The following DENND2A variants were observed in gnomAD, a reference collection of about 807,000 sequenced individuals.
The protein encoded by DENND2A is DENN domain containing 2A.
A neutral mutation model predicts 105.3 loss-of-function variants in DENND2A; 53 were observed. The observed-to-expected ratio is 0.50, with a 90% CI of 0.40 to 0.63. DENND2A has a LOEUF of 0.63. DENND2A is among the 30% of genes least tolerant of loss of function. The probability of loss-of-function intolerance (pLI) is 0.00; values close to 1 mark genes in which losing one functional copy is unlikely to be tolerated. For missense variants in DENND2A, 1,138 were observed against 1,279.6 expected (o/e 0.89, Z 1.69); for synonymous variants, 522 against 508.4 (o/e 1.03, Z -0.36).
chr7:140,576,861 C>T (rs978903782), intron 5 of DENND2A, among the ~76,000 whole-genome samples: 3 of 152,208 alleles, frequency 2.0e-5, no homozygotes, highest in African/African-American at 7.2e-5. Flanking sequence ...CAAGGAAATG[C>T]TCCTACCATT....
rs374414521 is a variant in DENND2A, at chr7:140,601,486, G to A, written c.912C>T (p.Pro304=). ...RNLPPLPSLP[P]PPLPSSPPPS... ...GTGGGGGAGAGGAGGGCAGAGGCGG[G>A]GGAGGTAGAGAGGGCAGAGGAGGCA... The change falls in exon 3 of 20, where the codon CCC becomes CCT. Residue 304 remains proline (P), a synonymous_variant. Transcript: ENST00000496613. 338 of 1,613,878 alleles carry A rather than the reference G, an allele frequency of 2.1e-4. No individual in the cohort carries two copies. Among genetic ancestry groups the A allele is most frequent in the Non-Finnish European group, 2.7e-4 (320 of 1,179,928 alleles).
At chr7:140,589,621 C>T (rs1174706371) in intron 3 of DENND2A, among the ~76,000 whole-genome samples, 1 of 152,154 alleles carries the variant, frequency 6.6e-6, no homozygotes, top group African/African-American at 2.4e-5. Context: ...CCTTGCTTTG[C>T]CATGGCGAGA....
rs372251841 is a variant in DENND2A, at chr7:140,581,996, ACT to A, written c.1245+3591_1245+3592del. Among the ~76,000 whole-genome samples the A allele has an allele frequency of 6.8e-3, 980 of 145,052 alleles. 9 individuals are homozygous for A. Among genetic ancestry groups the A allele is most frequent in the African/African-American group, 0.024 (927 of 38,282 alleles). ...TTTTTTTTTTTTGAGACAGAGTTTC[ACT>A]CTTTTACCCAGGCTGGAGTGAAGTG... On this transcript the variant is annotated intron_variant, in intron 5 of 19. Transcript: ENST00000496613.
At position 140,574,064 on chromosome 7, in the gene DENND2A, G is replaced by A. The variant is rs377407414; in HGVS notation, c.1246-56C>T. 33 of 1,589,520 alleles carry A rather than the reference G, an allele frequency of 2.1e-5. 1 individual carries two copies. Among genetic ancestry groups the A allele is most frequent in the African/African-American group, 5.4e-5 (4 of 74,496 alleles). On this transcript the variant is annotated intron_variant, in intron 5 of 19. Coordinates refer to ENST00000496613, the MANE Select transcript of DENND2A (RefSeq NM_015689.5). ...ATGAATTCAAAGGAGACTGACCGGG[G>A]GATAACTGGTGGTGCCAGGGACGAG...
At chr7:140,552,453 G>C (rs1797177017) in intron 12 of DENND2A, among the ~76,000 whole-genome samples, 2 of 150,838 alleles carry the variant, frequency 1.3e-5, no homozygotes, top group African/African-American at 2.4e-5. Context: ...GAGTGCACTG[G>C]TGTGAACATG....
At position 140,640,605 on chromosome 7, in the gene DENND2A, G is replaced by C. The variant is rs1224316578; in HGVS notation, c.-349C>G. The C allele has an allele frequency of 6.7e-6, 1 of 148,896 alleles. No individual in the cohort carries two copies. The highest frequency in any genetic ancestry group is 2.4e-5 in the African/African-American group (1 of 40,990). 9.2% of individuals were successfully genotyped at this position (148,896 alleles called of 1,614,324 possible). A position where few individuals can be genotyped will look rare whatever the true frequency, so the allele number is the denominator to read the frequency against. On this transcript the variant is annotated 5_prime_UTR_variant, in exon 1 of 20. Coordinates refer to ENST00000496613, the MANE Select transcript of DENND2A (RefSeq NM_015689.5). The surrounding 1 kb of genome is among the most constrained non-coding windows in gnomAD (Gnocchi z 4.9). ...GCGGCTCGGGGGCGGGCGGCGGCGGGTGCCGGGGACGCCATGGCCCTCCGC... is the reference window on the plus strand; with the variant it reads ...GCGGCTCGGGGGCGGGCGGCGGCGGCTGCCGGGGACGCCATGGCCCTCCGC...
intron 3 of DENND2A, among the ~76,000 whole-genome samples, chr7:140,595,507 G>A (rs886532088): frequency 2.0e-5 from 3 of 152,056 alleles, no homozygotes; most frequent in Admixed American, 6.5e-5. Context: ...GGTGGCTCAC[G>A]CCTATAATCC....
rs1372711408 is a variant in DENND2A, at chr7:140,523,545, A to G, written c.2548-121T>C. 6 of 791,078 alleles carry G rather than the reference A, an allele frequency of 7.6e-6. No homozygotes were observed. Among genetic ancestry groups the G allele is most frequent in the Non-Finnish European group, 1.2e-5 (6 of 487,320 alleles). The allele number at this position is 791,078 out of a possible 1,614,324, so 49.0% of individuals were successfully genotyped here. A position where few individuals can be genotyped will look rare whatever the true frequency, so the allele number is the denominator to read the frequency against. On this transcript the variant is annotated intron_variant, in intron 16 of 19. Transcript: ENST00000496613. This position sits in a 1 kb window ranked among gnomAD's most constrained non-coding sequence, Gnocchi z 4.5. ...TCTCCAGTTTCATGGAAGGAATACA[A>G]CTGAAAGCCAGAGGTCTGAGGTTTC...
chr7:140,636,959 A>T (rs1800961101), intron 1 of DENND2A, among the ~76,000 whole-genome samples: 1 of 152,054 alleles, frequency 6.6e-6, no homozygotes, highest in Non-Finnish European at 1.5e-5. Context: ...TCCTGGGTTC[A>T]AGTGATTCTC....
intron 3 of DENND2A, among the ~76,000 whole-genome samples, chr7:140,591,661 TTCTTTCTTTC>T (rs1249340689): frequency 3.4e-5 from 5 of 147,708 alleles, no homozygotes; most frequent in African/African-American, 1.1e-4. Context: ...CTTCCTTTCT[TTCTTTCTTTC>T]TCTTTCTTTC....
chr7:140,593,647 G>A (rs1563165405), intron 3 of DENND2A, among the ~76,000 whole-genome samples: 1 of 152,160 alleles, frequency 6.6e-6, no homozygotes, highest in South Asian at 2.1e-4. Flanking sequence ...GCCATCCAAA[G>A]GTTTAGGTCT....
At chr7:140,554,955 A>T (rs896605786) in intron 12 of DENND2A, among the ~76,000 whole-genome samples, 3 of 152,184 alleles carry the variant, frequency 2.0e-5, no homozygotes, top group Admixed American at 1.3e-4. Context: ...ACACCTATCC[A>T]TCTATTACAG....
intron 1 of DENND2A, among the ~76,000 whole-genome samples, chr7:140,620,507 C>A (rs1800247005): frequency 6.6e-6 from 1 of 151,914 alleles, no homozygotes; most frequent in Non-Finnish European, 1.5e-5. Context: ...ACAACAACCA[C>A]CCCCCCACCA....
chr7:140,579,857 C>T (rs773290638), intron 5 of DENND2A, among the ~76,000 whole-genome samples: 2 of 152,068 alleles, frequency 1.3e-5, no homozygotes, highest in African/African-American at 4.8e-5. Context: ...CTGGGCCAGG[C>T]GAGGTGGCTC....
rs1197649046 is a variant in DENND2A at position 140,568,814 on chromosome 7, C to T, written c.1541-1G>A. On this transcript the variant is annotated splice_acceptor_variant, in intron 7 of 19. Coordinates refer to ENST00000496613, the MANE Select transcript of DENND2A (RefSeq NM_015689.5). LOFTEE classifies it high-confidence loss of function. ...TCAGACTCACTGTTCTCATCTGTCA[C>T]TAGAAGAAAAGAACAAGGAAGAAAA... 1.2e-6 allele frequency: 2 copies of T among 1,614,070 alleles called. No homozygotes were observed. The highest frequency in any genetic ancestry group is 4.5e-5 in the East Asian group (2 of 44,876).
intron 1 of DENND2A, among the ~76,000 whole-genome samples, chr7:140,639,336 A>G (rs1265950196): frequency 1.3e-5 from 2 of 152,122 alleles, no homozygotes; most frequent in East Asian, 3.9e-4. Context: ...AGGGTGACAG[A>G]GCAAGACTCT....
At chr7:140,635,504 T>C (rs1159742352) in intron 1 of DENND2A, among the ~76,000 whole-genome samples, 2 of 151,952 alleles carry the variant, frequency 1.3e-5, no homozygotes, top group East Asian at 1.9e-4. Context: ...ACAGCCAAGG[T>C]TGCGGCTCCC....
intron 14 of DENND2A, among the ~76,000 whole-genome samples, chr7:140,543,342 C>T (rs867965397): frequency 3.1e-4 from 47 of 149,804 alleles, no homozygotes; most frequent in African/African-American, 1.0e-3. Context: ...ACTGTGTTGC[C>T]CAGGCTGGTC....
intron 3 of DENND2A, among the ~76,000 whole-genome samples, chr7:140,593,195 C>T (rs1022783919): frequency 1.3e-5 from 2 of 152,190 alleles, no homozygotes; most frequent in Admixed American, 6.5e-5. Flanking sequence ...TTCCACATCC[C>T]GCCTGCAAGT....
Sources: allele counts gnomAD v4.1 joint callset (sites outside exome capture counted in the v4.1 genomes callset), GRCh38; gene constraint gnomAD v4.1.1; non-coding constraint Gnocchi (gnomAD v3.1); transcripts MANE v1.5; gene names NCBI Gene and HGNC (gene_info 2026-07-23, HGNC 2026-07-21).